NXPH1: variants seen among roughly 807,000 people sequenced by gnomAD.
The protein encoded by NXPH1 is neurexophilin-1.
Under a neutral mutation model 23.7 loss-of-function variants are expected in NXPH1, and 5 were observed. That is an observed-to-expected ratio of 0.21 (90% CI 0.11 to 0.44). The LOEUF (loss-of-function observed/expected upper bound fraction) is 0.44. NXPH1 is among the 20% of genes least tolerant of loss of function. The probability of loss-of-function intolerance (pLI) is 0.99; values close to 1 mark genes in which losing one functional copy is unlikely to be tolerated. For missense variants in NXPH1, 324 were observed against 321.6 expected (o/e 1.01, Z -0.06); for synonymous variants, 144 against 122.2 (o/e 1.18, Z -1.18).
chr7:8,716,000 T>C (rs1017004), intron 2 of NXPH1, among the ~76,000 whole-genome samples: 98,378 of 151,994 alleles, frequency 0.65, 33,028 homozygotes, highest in African/African-American at 0.83. Context: ...TATGTGTACA[T>C]ATATGTATAT....
At chr7:8,731,220 A>G (rs201038727) in intron 2 of NXPH1, among the ~76,000 whole-genome samples, 3 of 151,650 alleles carry the variant, frequency 2.0e-5, no homozygotes, top group Non-Finnish European at 2.9e-5. Flanking sequence ...CTCTGTATTG[A>G]TTATTCTAGT....
chr7:8,545,159 C>T (rs972246), intron 2 of NXPH1, among the ~76,000 whole-genome samples: 17,033 of 151,380 alleles, frequency 0.11, 1,244 homozygotes, highest in African/African-American at 0.21. Flanking sequence ...GAATATTATT[C>T]AGGGAAAGTT....
At chr7:8,592,521 A>G (rs1164240335) in intron 2 of NXPH1, among the ~76,000 whole-genome samples, 1 of 152,036 alleles carries the variant, frequency 6.6e-6, no homozygotes, top group Non-Finnish European at 1.5e-5. Flanking sequence ...CAAAGCAATC[A>G]TCATATTTAC....
At chr7:8,440,291 G>A (rs1816275872) in intron 2 of NXPH1, among the ~76,000 whole-genome samples, 2 of 152,210 alleles carry the variant, frequency 1.3e-5, no homozygotes, top group Admixed American at 1.3e-4. Context: ...GCACTTGGGT[G>A]GGACACTTTT....
intron 2 of NXPH1, among the ~76,000 whole-genome samples, chr7:8,452,174 C>G (rs947999917): frequency 6.6e-6 from 1 of 152,182 alleles, no homozygotes; most frequent in African/African-American, 2.4e-5. Flanking sequence ...TAAACTGACT[C>G]TCACCAGAAT....
chr7:8,441,444 G>A (rs1337244796), intron 2 of NXPH1, among the ~76,000 whole-genome samples: 1 of 152,098 alleles, frequency 6.6e-6, no homozygotes, highest in Non-Finnish European at 1.5e-5. Flanking sequence ...TGACGACTCT[G>A]CTTGAAGGAA....
intron 2 of NXPH1, among the ~76,000 whole-genome samples, chr7:8,455,188 C>G (rs545552649): frequency 6.6e-6 from 1 of 152,144 alleles, no homozygotes; most frequent in Non-Finnish European, 1.5e-5. Context: ...ATTGTCAGTT[C>G]TCCTATATAC....
intron 2 of NXPH1, among the ~76,000 whole-genome samples, chr7:8,575,053 T>A (rs968940610): frequency 3.3e-5 from 5 of 152,174 alleles, no homozygotes; most frequent in Non-Finnish European, 5.9e-5. Flanking sequence ...CTTCTCCCTT[T>A]TATATTATGT....
intron 2 of NXPH1, among the ~76,000 whole-genome samples, chr7:8,482,202 G>A (rs1255699371): frequency 6.6e-6 from 1 of 152,202 alleles, no homozygotes; most frequent in Non-Finnish European, 1.5e-5. Flanking sequence ...CAGGGAAAGT[G>A]TTTCCGTGAG....
At chr7:8,709,159 T>G (rs775565213) in intron 2 of NXPH1, among the ~76,000 whole-genome samples, 5 of 152,246 alleles carry the variant, frequency 3.3e-5, no homozygotes, top group African/African-American at 7.2e-5. Flanking sequence ...TTCAATCTTT[T>G]GAACACTGTT....
chr7:8,517,280 GT>G (rs1817701084), intron 2 of NXPH1, among the ~76,000 whole-genome samples: 1 of 152,110 alleles, frequency 6.6e-6, no homozygotes, highest in Non-Finnish European at 1.5e-5. Flanking sequence ...CAGAGGTAGA[GT>G]TGTCTAGAAA....
chr7:8,504,251 A>G (rs1017243296), intron 2 of NXPH1, among the ~76,000 whole-genome samples: 2 of 151,864 alleles, frequency 1.3e-5, no homozygotes, highest in Admixed American at 1.3e-4. Flanking sequence ...ACTATTCTCA[A>G]CCTCCACCCT....
intron 2 of NXPH1, among the ~76,000 whole-genome samples, chr7:8,462,717 A>G (rs1376415847): frequency 6.6e-6 from 1 of 152,246 alleles, no homozygotes; most frequent in East Asian, 1.9e-4. Flanking sequence ...CATGTTGTAC[A>G]TGATATATAC....
chr7:8,548,389 T>G (rs1402397691), intron 2 of NXPH1, among the ~76,000 whole-genome samples: 1 of 151,546 alleles, frequency 6.6e-6, no homozygotes, highest in Non-Finnish European at 1.5e-5. Flanking sequence ...ACCCATTCTT[T>G]GTTAAAAGGA....
chr7:8,501,894 T>C (rs1740305742), intron 2 of NXPH1, among the ~76,000 whole-genome samples: 1 of 152,212 alleles, frequency 6.6e-6, no homozygotes, highest in East Asian at 1.9e-4. Context: ...GCCTAGGGCC[T>C]ATATACCCAT....
intron 2 of NXPH1, among the ~76,000 whole-genome samples, chr7:8,724,106 C>G (rs1780011383): frequency 6.6e-6 from 1 of 152,146 alleles, no homozygotes; most frequent in Non-Finnish European, 1.5e-5. Context: ...AGTAGTAGTT[C>G]CTTCAACAAC....
chr7:8,539,130 T>G (rs936256282), intron 2 of NXPH1, among the ~76,000 whole-genome samples: 5 of 151,832 alleles, frequency 3.3e-5, no homozygotes, highest in African/African-American at 9.7e-5. Context: ...AATTGCAACT[T>G]CACTCTCCTG....
chr7:8,712,000 G>C (rs1779803957), intron 2 of NXPH1, among the ~76,000 whole-genome samples: 1 of 152,188 alleles, frequency 6.6e-6, no homozygotes, highest in Non-Finnish European at 1.5e-5. Flanking sequence ...TTCACAACTA[G>C]AAATTCTTCT....
chr7:8,454,538 G>C (rs1244192081), intron 2 of NXPH1, among the ~76,000 whole-genome samples: 2 of 152,040 alleles, frequency 1.3e-5, no homozygotes, highest in African/African-American at 2.4e-5. Flanking sequence ...CAGAATTAGG[G>C]CCAGTCATGG....
Sources: gnomAD v4.1 joint callset for allele counts (sites outside exome capture counted in the v4.1 genomes callset) on GRCh38, gnomAD v4.1.1 for gene constraint, MANE v1.5 for transcripts, NCBI Gene and HGNC (gene_info 2026-07-23, HGNC 2026-07-21) for gene names.